The following NT5DC1 variants were observed in gnomAD, a reference collection of about 807,000 sequenced individuals.
NT5DC1 encodes the protein 5'-nucleotidase domain containing 1, also known as 5'-nucleotidase domain-containing protein 1.
In NT5DC1, 42 loss-of-function variants were observed where a neutral mutation model predicts 59.4. That is an observed-to-expected ratio of 0.71 (90% CI 0.55 to 0.92). NT5DC1 has a LOEUF of 0.92. Ranked by LOEUF, NT5DC1 falls within the 40% of genes least tolerant of loss-of-function variation. NT5DC1 has a pLI of 0.00. For missense variants in NT5DC1, 501 were observed against 537.1 expected (o/e 0.93, Z 0.66); for synonymous variants, 172 against 188.1 (o/e 0.91, Z 0.70).
At chr6:116,218,229 T>A (rs1781723686) in intron 6 of NT5DC1, among the ~76,000 whole-genome samples, 1 of 152,178 alleles carries the variant, frequency 6.6e-6, no homozygotes, top group Admixed American at 6.5e-5. Context: ...TTTAAATGCG[T>A]ATGCCTTGTA....
At chr6:116,210,203 C>T (rs1193170787) in intron 6 of NT5DC1, among the ~76,000 whole-genome samples, 3 of 151,838 alleles carry the variant, frequency 2.0e-5, no homozygotes, top group Non-Finnish European at 4.4e-5. Context: ...GAGTTCAGTG[C>T]CATGCTTAAA....
At chr6:116,168,044 C>G (rs989054572) in intron 6 of NT5DC1, among the ~76,000 whole-genome samples, 4 of 134,940 alleles carry the variant, frequency 3.0e-5, no homozygotes, top group African/African-American at 1.1e-4. Flanking sequence ...TTCTCTTTGT[C>G]TTTGGTTTTT....
chr6:116,227,842 T>G (rs1314188141), intron 8 of NT5DC1, among the ~76,000 whole-genome samples: 1 of 152,216 alleles, frequency 6.6e-6, no homozygotes, highest in Non-Finnish European at 1.5e-5. Flanking sequence ...TGAGTTCCTT[T>G]TATAGTTTGG....
Position 116,120,855 on chromosome 6 carries a change from G to A in NT5DC1, c.529+2910G>A, listed in dbSNP as rs146980198. 368 of 1,613,980 alleles carry A rather than the reference G, an allele frequency of 2.3e-4. 2 individuals carry two copies. In the South Asian group the frequency reaches 2.8e-3, roughly 12 times the overall value. Reference sequence around the variant, plus strand: ...GCTCCTGCTGGGCCCACAGGGCCTGGGAGACCAGGAGGTCCTCCAACTCCA... The same window carrying A: ...GCTCCTGCTGGGCCCACAGGGCCTGAGAGACCAGGAGGTCCTCCAACTCCA... On this transcript the variant is annotated intron_variant, in intron 6 of 11. Transcript: ENST00000319550.
At chr6:116,182,095 C>G (rs994057953) in intron 6 of NT5DC1, among the ~76,000 whole-genome samples, 3 of 151,980 alleles carry the variant, frequency 2.0e-5, no homozygotes, top group Non-Finnish European at 4.4e-5. Context: ...AGCTTAGATG[C>G]CACTTATGAG....
Position 116,166,478 on chromosome 6 carries a change from G to A in NT5DC1, c.529+48533G>A, listed in dbSNP as rs181972044. 2.8e-3 allele frequency among the ~76,000 whole-genome samples: 423 copies of A among 152,278 alleles called. 3 individuals are homozygous for A. The highest frequency in any genetic ancestry group is 2.2e-3 in the Non-Finnish European group (149 of 68,022). On this transcript the variant is annotated intron_variant, in intron 6 of 11. Transcript: ENST00000319550. ...AAGAAGGATTTTGTCTTCTGTAAAT[G>A]GTATTGGGAATAGTGGATATTTGAC...
At chr6:116,241,497 T>C (rs1398767587) in intron 11 of NT5DC1, among the ~76,000 whole-genome samples, 1 of 152,258 alleles carries the variant, frequency 6.6e-6, no homozygotes. Flanking sequence ...ATGTTCAGTA[T>C]TGATGTCAGA....
chr6:116,184,001 A>C (rs745310161), intron 6 of NT5DC1, among the ~76,000 whole-genome samples: 2 of 151,942 alleles, frequency 1.3e-5, no homozygotes, highest in African/African-American at 2.4e-5. Context: ...ATTGTTTTCA[A>C]CTTTTCCCTG....
chr6:116,132,662 A>T (rs1779498983), intron 6 of NT5DC1, among the ~76,000 whole-genome samples: 1 of 152,110 alleles, frequency 6.6e-6, no homozygotes, highest in South Asian at 2.1e-4. Flanking sequence ...TACATTTCTG[A>T]TGTGACAAGC....
chr6:116,234,642 A>T (rs1011600327), intron 8 of NT5DC1, among the ~76,000 whole-genome samples: 1 of 152,206 alleles, frequency 6.6e-6, no homozygotes, highest in African/African-American at 2.4e-5. Flanking sequence ...CACCCAGCCT[A>T]CATTTTTAAA....
chr6:116,191,627 G>T (rs1390976592), intron 6 of NT5DC1, among the ~76,000 whole-genome samples: 1 of 152,064 alleles, frequency 6.6e-6, no homozygotes, highest in Admixed American at 6.6e-5. Flanking sequence ...ATGTAGTGCA[G>T]TAGGAAAATA....
intron 6 of NT5DC1, among the ~76,000 whole-genome samples, chr6:116,154,018 AG>A (rs1208154718): frequency 6.6e-6 from 1 of 150,854 alleles, no homozygotes; most frequent in Non-Finnish European, 1.5e-5. Flanking sequence ...ACATGCCTAA[AG>A]GGAAGATTTC....
chr6:116,102,991 A>G lies in NT5DC1; in HGVS notation c.93+1968A>G, dbSNP rs149957569. Reference sequence around the variant, plus strand: ...CCCTTAGGAAGTCTTTTTGGCCCTTAAAGTTTGCCCTTCCATTCTAAGCCC... The same window carrying G: ...CCCTTAGGAAGTCTTTTTGGCCCTTGAAGTTTGCCCTTCCATTCTAAGCCC... On this transcript the variant is annotated intron_variant, in intron 1 of 11. Coordinates refer to ENST00000319550, the MANE Select transcript of NT5DC1 (RefSeq NM_152729.3). Among the ~76,000 whole-genome samples the G allele has an allele frequency of 2.5e-3, 388 of 152,324 alleles. 10 individuals are homozygous for G. In the South Asian group the frequency reaches 0.044, roughly 17 times the overall value.
intron 6 of NT5DC1, among the ~76,000 whole-genome samples, chr6:116,214,820 TA>T (rs558357110): frequency 0.045 from 6,451 of 142,316 alleles, 409 homozygotes; most frequent in African/African-American, 0.15. Context: ...TAAAGTATAA[TA>T]AAAAAAAAAA....
intron 8 of NT5DC1, 121 bp from the exon 9 acceptor site, chr6:116,236,845 G>A (rs1782123092): frequency 4.7e-6 from 3 of 643,900 alleles, no homozygotes; most frequent in Admixed American, 2.6e-5. Flanking sequence ...CTGAATGTCA[G>A]CTCCTTTCCC....
At chr6:116,173,263 C>A (rs532437319) in intron 6 of NT5DC1, among the ~76,000 whole-genome samples, 1 of 152,320 alleles carries the variant, frequency 6.6e-6, no homozygotes, top group East Asian at 1.9e-4. Flanking sequence ...ACACATGGAG[C>A]TGCTCCACGT....
At chr6:116,190,558 TAAAA>T (rs1562157771) in intron 6 of NT5DC1, among the ~76,000 whole-genome samples, 1 of 151,950 alleles carries the variant, frequency 6.6e-6, no homozygotes, top group Non-Finnish European at 1.5e-5. Context: ...TTTACACAGC[TAAAA>T]TTAAATTGAG....
chr6:116,234,731 T>TA, intron 8 of NT5DC1, among the ~76,000 whole-genome samples: 1 of 152,342 alleles, frequency 6.6e-6, no homozygotes, highest in Admixed American at 6.5e-5. Flanking sequence ...CTAAATAATG[T>TA]AAAAAGTGTT....
At chr6:116,219,834 C>T (rs1424235788) in intron 6 of NT5DC1, among the ~76,000 whole-genome samples, 13 of 151,724 alleles carry the variant, frequency 8.6e-5, no homozygotes, top group African/African-American at 2.2e-4. Context: ...TGGTGGCACA[C>T]GCCTGTAGTC....
Sources: gnomAD v4.1 joint callset for allele counts (sites outside exome capture counted in the v4.1 genomes callset) on GRCh38, gnomAD v4.1.1 for gene constraint, MANE v1.5 for transcripts, NCBI Gene and HGNC (gene_info 2026-07-23, HGNC 2026-07-21) for gene names.